TBC1D12: variants seen among roughly 807,000 people sequenced by gnomAD.
The protein encoded by TBC1D12 is TBC1 domain family, member 12.
A neutral mutation model predicts 86.7 loss-of-function variants in TBC1D12; 56 were observed. That is an observed-to-expected ratio of 0.65 (90% confidence interval 0.52 to 0.81). TBC1D12 has a LOEUF of 0.81. Among genes scored for constraint, TBC1D12 ranks in the 30% least tolerant of loss-of-function variants. The pLI, the probability that TBC1D12 is intolerant of heterozygous loss-of-function variation, is 0.00. For missense variants in TBC1D12, 1,023 were observed against 1,038.8 expected (o/e 0.98, Z 0.21); for synonymous variants, 421 against 411.7 (o/e 1.02, Z -0.27).
At chr10:94,487,465 T>A (rs1400406968) in intron 3 of TBC1D12, among the ~76,000 whole-genome samples, 1 of 151,920 alleles carries the variant, frequency 6.6e-6, no homozygotes, top group African/African-American at 2.4e-5. Flanking sequence ...TTGCTTTTTA[T>A]TTTGTGTTGT....
chr10:94,423,059 C>T (rs2055096597), intron 1 of TBC1D12, among the ~76,000 whole-genome samples: 1 of 152,004 alleles, frequency 6.6e-6, no homozygotes, highest in Non-Finnish European at 1.5e-5. Context: ...ATGATCACGC[C>T]AGTGCACTCT....
chr10:94,490,747 G>C (rs1461508536), intron 3 of TBC1D12, among the ~76,000 whole-genome samples: 7 of 152,120 alleles, frequency 4.6e-5, no homozygotes, highest in Admixed American at 3.9e-4. Flanking sequence ...TAGTTTAGGA[G>C]TAATTTGTCC....
At chr10:94,487,191 A>ATGTCTATT (rs891159938) in intron 3 of TBC1D12, among the ~76,000 whole-genome samples, 2 of 145,288 alleles carry the variant, frequency 1.4e-5, no homozygotes, top group African/African-American at 5.1e-5. Context: ...TTCAGTCTAT[A>ATGTCTATT]TATGTCTTTA....
chr10:94,407,610 G>T (rs917101314), intron 1 of TBC1D12, among the ~76,000 whole-genome samples: 3 of 151,950 alleles, frequency 2.0e-5, no homozygotes, highest in Admixed American at 6.6e-5. Context: ...CTAGAACCCT[G>T]GGGGGAGGTT....
chr10:94,456,564 T>G (rs1364620521), intron 2 of TBC1D12, among the ~76,000 whole-genome samples: 1 of 152,230 alleles, frequency 6.6e-6, no homozygotes, highest in African/African-American at 2.4e-5. Context: ...TTTAAACTTG[T>G]TAAGGTGTAG....
intron 9 of TBC1D12, among the ~76,000 whole-genome samples, chr10:94,519,947 T>TTA (rs1225915372): frequency 4.6e-5 from 7 of 152,152 alleles, no homozygotes; most frequent in African/African-American, 1.7e-4. Context: ...TAGCTTCTGG[T>TTA]TATTAATAAG....
chr10:94,458,921 G>A (rs1294029315), intron 2 of TBC1D12, among the ~76,000 whole-genome samples: 1 of 152,154 alleles, frequency 6.6e-6, no homozygotes, highest in Non-Finnish European at 1.5e-5. Flanking sequence ...CAAAGAATGA[G>A]CAGCAGCAAG....
chr10:94,486,139 C>CTTTTTTTTTTTTTTTTTTTTTCTTT (rs1282522464), intron 3 of TBC1D12, among the ~76,000 whole-genome samples: 1 of 108,426 alleles, frequency 9.2e-6, no homozygotes, highest in African/African-American at 3.5e-5. Flanking sequence ...TCTTCTTCTT[C>CTTTTTTTTTTTTTTTTTTTTTCTTT]TTTTTTTTTT....
intron 2 of TBC1D12, among the ~76,000 whole-genome samples, chr10:94,454,089 A>G (rs2055590874): frequency 6.6e-6 from 1 of 152,126 alleles, no homozygotes; most frequent in Non-Finnish European, 1.5e-5. Flanking sequence ...TGAATTGGCT[A>G]TTCTGGGTCT....
intron 3 of TBC1D12, among the ~76,000 whole-genome samples, chr10:94,479,541 A>G (rs2056046017): frequency 6.6e-6 from 1 of 152,168 alleles, no homozygotes; most frequent in African/African-American, 2.4e-5. Flanking sequence ...TGTAAAAGGA[A>G]ATAAGAGAGA....
chr10:94,412,922 C>A (rs1314350331), intron 1 of TBC1D12, among the ~76,000 whole-genome samples: 2 of 152,136 alleles, frequency 1.3e-5, no homozygotes, highest in East Asian at 3.9e-4. Flanking sequence ...GTTAAGAATG[C>A]AGATTCCTTG....
intron 6 of TBC1D12, among the ~76,000 whole-genome samples, chr10:94,502,467 G>A (rs1025510852): frequency 5.3e-5 from 8 of 152,240 alleles, no homozygotes; most frequent in African/African-American, 1.7e-4. Context: ...CACTTCAGGA[G>A]GCTGAGGCGG....
At chr10:94,480,146 A>G (rs2056055334) in intron 3 of TBC1D12, among the ~76,000 whole-genome samples, 3 of 152,196 alleles carry the variant, frequency 2.0e-5, no homozygotes, top group Admixed American at 2.0e-4. Flanking sequence ...TAGTCCCTGA[A>G]CGATCTGATT....
At chr10:94,442,945 C>CT (rs199998023) in intron 2 of TBC1D12, among the ~76,000 whole-genome samples, 2 of 152,050 alleles carry the variant, frequency 1.3e-5, no homozygotes, top group Admixed American at 6.6e-5. Flanking sequence ...GTAGTTAATT[C>CT]TTTTTTTCTT....
chr10:94,476,044 A>G (rs1156985949), intron 3 of TBC1D12, among the ~76,000 whole-genome samples: 3 of 151,910 alleles, frequency 2.0e-5, no homozygotes, highest in African/African-American at 7.3e-5. Flanking sequence ...GCCTCAGACA[A>G]TCCTGCCACT....
intron 2 of TBC1D12, among the ~76,000 whole-genome samples, chr10:94,450,652 C>T (rs148595204): frequency 7.9e-5 from 12 of 152,094 alleles, no homozygotes; most frequent in East Asian, 7.7e-4. Context: ...CGAGCAATCC[C>T]GCTACTGGAC....
At position 94,473,220 on chromosome 10, in the gene TBC1D12, C is replaced by T. The variant is rs562102219; in HGVS notation, c.1096-1448C>T. On this transcript the variant is annotated intron_variant, in intron 2 of 12. Coordinates refer to ENST00000225235, the MANE Select transcript of TBC1D12 (RefSeq NM_015188.2). ...ATACAAAAAAAAAAAAATAGCCAGC[C>T]GTGGTGGCTGATGCCTGTAATCCCA... Among the ~76,000 whole-genome samples the T allele has an allele frequency of 8.6e-5, 13 of 151,514 alleles. No individual in the cohort carries two copies. The South Asian group carries it at 1.0e-3, about 12-fold the overall frequency.
intron 3 of TBC1D12, among the ~76,000 whole-genome samples, chr10:94,483,436 C>G (rs966073674): frequency 6.6e-6 from 1 of 152,114 alleles, no homozygotes; most frequent in Non-Finnish European, 1.5e-5. Flanking sequence ...TATTGCCTGT[C>G]TGTTTGATAA....
intron 2 of TBC1D12, among the ~76,000 whole-genome samples, chr10:94,458,620 G>C (rs1423597579): frequency 6.6e-6 from 1 of 152,074 alleles, no homozygotes; most frequent in Non-Finnish European, 1.5e-5. Context: ...TCTTAAAGAT[G>C]GTGTGTCCGG....
Sources: allele counts gnomAD v4.1 joint callset (sites outside exome capture counted in the v4.1 genomes callset), GRCh38; gene constraint gnomAD v4.1.1; transcripts MANE v1.5; gene names NCBI Gene and HGNC (gene_info 2026-07-23, HGNC 2026-07-21).